Variants in PHF20 observed in about 807,000 individuals in gnomAD.
PHF20 encodes glioma-expressed antigen 2.
PHF20 carries 23 observed loss-of-function variants against 113.5 expected under a neutral mutation model. That is an observed-to-expected ratio of 0.20 (90% CI 0.15 to 0.29). PHF20 has a LOEUF of 0.29. Among genes scored for constraint, PHF20 ranks in the 10% least tolerant of loss-of-function variants. The pLI, the probability that PHF20 is intolerant of heterozygous loss-of-function variation, is 1.00. For missense variants in PHF20, 943 were observed against 1,219.6 expected, an observed-to-expected ratio of 0.77 and a Z score of 3.38; for synonymous variants, 434 against 457.3, an observed-to-expected ratio of 0.95 and a Z score of 0.65.
intron 2 of PHF20, among the ~76,000 whole-genome samples, chr20:35,805,936 A>T (rs1257694023): frequency 6.6e-6 from 1 of 151,296 alleles, no homozygotes; most frequent in Non-Finnish European, 1.5e-5. Context: ...ATCTTGGCTC[A>T]CTGCAACCTC....
At chr20:35,898,100 C>G (rs1160951638) in intron 9 of PHF20, among the ~76,000 whole-genome samples, 1 of 152,068 alleles carries the variant, frequency 6.6e-6, no homozygotes, top group Non-Finnish European at 1.5e-5. Context: ...GGTCCGAACT[C>G]CTGACCTCAG....
At chr20:35,938,663 T>G in intron 15 of PHF20, 34 bp from the exon 16 acceptor site, 1 of 1,558,368 alleles carries the variant, frequency 6.4e-7, no homozygotes, top group Non-Finnish European at 8.7e-7. Context: ...TGCCAGTTAC[T>G]CCAAAGCCCA....
rs34412788 is a variant in PHF20 at position 35,904,277 on chromosome 20, ATTTTTTTTTT to A, written c.1561+4645_1561+4654del. On this transcript the variant is annotated intron_variant, in intron 10 of 17. Coordinates refer to ENST00000374012, the MANE Select transcript of PHF20 (RefSeq NM_016436.5). ...TACCCCCTTTATGCTGAATGCTCTG[ATTTTTTTTTT>A]TTTTTTTTTTTTTTTGAGACAGAAT... is the stretch of plus-strand genomic sequence containing the variant. Among the ~76,000 whole-genome samples the A allele has an allele frequency of 8.1e-5, 8 of 98,924 alleles. No individual in the cohort carries two copies. The Admixed American group carries it at 8.2e-4, about 10-fold the overall frequency. The allele number at this position is 98,924 out of a possible 152,430, so 64.9% of individuals were successfully genotyped here.
chr20:35,874,663 T>C (rs959361147), intron 9 of PHF20, among the ~76,000 whole-genome samples: 7 of 152,180 alleles, frequency 4.6e-5, no homozygotes, highest in Non-Finnish European at 1.0e-4. Flanking sequence ...TTTTTTCTTT[T>C]CTCAACTTTT....
At chr20:35,925,912 T>C (rs1273770984) in intron 13 of PHF20, among the ~76,000 whole-genome samples, 3 of 151,674 alleles carry the variant, frequency 2.0e-5, no homozygotes, top group Admixed American at 6.6e-5. Flanking sequence ...CATGAGGTTA[T>C]GAGATCGAGA....
intron 9 of PHF20, among the ~76,000 whole-genome samples, chr20:35,875,455 G>C (rs1365438539): frequency 6.6e-6 from 1 of 151,828 alleles, no homozygotes; most frequent in Non-Finnish European, 1.5e-5. Flanking sequence ...AGCTCATCTC[G>C]GCGGCTGTTC....
intron 1 of PHF20, among the ~76,000 whole-genome samples, chr20:35,773,919 A>G (rs1018862249): frequency 6.6e-6 from 1 of 152,118 alleles, no homozygotes; most frequent in Non-Finnish European, 1.5e-5. Flanking sequence ...TTTTTCCAGC[A>G]CTGCTTCTAG....
Position 35,880,018 on chromosome 20 carries a change from GGAGA to G in PHF20, c.1282+8196_1282+8199del, listed in dbSNP as rs560599871. On this transcript the variant is annotated intron_variant, in intron 9 of 17. Transcript: ENST00000374012. ...AAGGAAAGAAAGAGAGAAAGAGAAAGGAGAGAGAGAAAGAAATTAATTGACTTCA... is the reference window on the plus strand; with the variant it reads ...AAGGAAAGAAAGAGAGAAAGAGAAAGGAGAGAAAGAAATTAATTGACTTCA... 3.2e-4 allele frequency among the ~76,000 whole-genome samples: 49 copies of G among 152,064 alleles called. No homozygotes were observed. In the South Asian group the frequency reaches 5.8e-3, roughly 18 times the overall value.
chr20:35,789,440 A>AC (rs1569118929), intron 1 of PHF20, among the ~76,000 whole-genome samples: 3 of 152,020 alleles, frequency 2.0e-5, no homozygotes, highest in African/African-American at 7.2e-5. Flanking sequence ...AAAAAAAAAA[A>AC]AAAACAAAAG....
intron 2 of PHF20, among the ~76,000 whole-genome samples, chr20:35,822,884 A>G (rs1361631495): frequency 6.7e-6 from 1 of 150,110 alleles, no homozygotes; most frequent in Non-Finnish European, 1.5e-5. Flanking sequence ...GAATGTATCA[A>G]GTTCCCATAT....
intron 5 of PHF20, among the ~76,000 whole-genome samples, chr20:35,859,860 GTGA>G (rs2054185300): frequency 6.6e-6 from 1 of 152,012 alleles, no homozygotes; most frequent in Non-Finnish European, 1.5e-5. Context: ...TTGTGTCTTT[GTGA>G]TGATGAAATG....
intron 1 of PHF20, among the ~76,000 whole-genome samples, chr20:35,799,719 G>A (rs1231775620): frequency 6.6e-6 from 1 of 151,978 alleles, no homozygotes; most frequent in Non-Finnish European, 1.5e-5. Flanking sequence ...CCAGGCTGGA[G>A]TGCAGTGGCG....
In PHF20 at chr20:35,821,383, T is replaced by A. The variant is rs570456550; in HGVS notation, c.83+19778T>A. On this transcript the variant is annotated intron_variant, in intron 2 of 17. Coordinates refer to ENST00000374012, the MANE Select transcript of PHF20 (RefSeq NM_016436.5). ...CCGGGAGGTGGAGGATGCAGTGAGC[T>A]GAGATTGTGCCACTGCATTCCAGTC... 2.0e-5 allele frequency among the ~76,000 whole-genome samples: 3 copies of A among 148,302 alleles called. 1 individual carries two copies. The highest frequency in any genetic ancestry group is 4.4e-5 in the Non-Finnish European group (3 of 67,484).
intron 9 of PHF20, among the ~76,000 whole-genome samples, chr20:35,883,194 A>C (rs2147018566): frequency 6.6e-6 from 1 of 152,234 alleles, no homozygotes; most frequent in Middle Eastern, 3.4e-3. Context: ...CAGCCTTGAC[A>C]ACAGAGTGAG....
intron 7 of PHF20, among the ~76,000 whole-genome samples, chr20:35,869,977 T>C (rs945199728): frequency 6.6e-6 from 1 of 151,162 alleles, no homozygotes; most frequent in African/African-American, 2.4e-5. Context: ...CTGGCCAACA[T>C]GGTGAAACCC....
At chr20:35,905,053 G>A (rs573679378) in intron 10 of PHF20, among the ~76,000 whole-genome samples, 2 of 152,060 alleles carry the variant, frequency 1.3e-5, no homozygotes, top group South Asian at 2.1e-4. Flanking sequence ...TCAAACTCCC[G>A]ACCTCAGATG....
At chr20:35,781,680 C>T (rs2041299964) in intron 1 of PHF20, among the ~76,000 whole-genome samples, 1 of 152,198 alleles carries the variant, frequency 6.6e-6, no homozygotes. Flanking sequence ...TCCAGTGGCT[C>T]ATGCCTGTAA....
rs546964332 is a variant in PHF20 at position 35,871,931 on chromosome 20, C to G, written c.1282+102C>G. 1.3e-3 allele frequency: 1,005 copies of G among 792,346 alleles called. 3 individuals are homozygous for G. Among genetic ancestry groups the G allele is most frequent in the Non-Finnish European group, 1.6e-3 (841 of 516,738 alleles). The allele number at this position is 792,346 out of a possible 1,614,324, so 49.1% of individuals were successfully genotyped here. ...TGACTTTTCTGTTGTTGTTTTTCAC[C>G]TTTTATTAATATTCCCTTATCATTT... On this transcript the variant is annotated intron_variant, in intron 9 of 17. Transcript: ENST00000374012.
intron 12 of PHF20, among the ~76,000 whole-genome samples, chr20:35,914,612 A>C (rs1332104054): frequency 6.6e-6 from 1 of 152,218 alleles, no homozygotes; most frequent in African/African-American, 2.4e-5. Context: ...ACTATTCATC[A>C]ACAAGAGATT....
Sources: allele counts gnomAD v4.1 joint callset (sites outside exome capture counted in the v4.1 genomes callset), GRCh38; gene constraint gnomAD v4.1.1; transcripts MANE v1.5; gene names NCBI Gene and HGNC (gene_info 2026-07-23, HGNC 2026-07-21).